The following DHODH variants were observed in gnomAD, a reference collection of about 807,000 sequenced individuals.
DHODH encodes the protein dihydroorotate dehydrogenase (quinone).
In DHODH, 30 loss-of-function variants were observed where a neutral mutation model predicts 39.7. The ratio of observed to expected loss-of-function variants is 0.76; its 90% confidence interval spans 0.57 to 1.02. The LOEUF (loss-of-function observed/expected upper bound fraction) is 1.02, where lower values mean the gene tolerates loss of function less well. Ranked by LOEUF, DHODH falls within the 50% of genes least tolerant of loss-of-function variation. The pLI is 0.00. For missense variants in DHODH, 531 were observed against 520.8 expected (o/e 1.02, Z -0.19); for synonymous variants, 222 against 213.8 (o/e 1.04, Z -0.34).
rs1567576010 is a variant in DHODH, at chr16:72,026,990, TG to T, written c.*2792del. The T allele has an allele frequency of 0.019, 2,773 of 145,410 alleles. 61 individuals carry two copies. Among genetic ancestry groups the T allele is most frequent in the East Asian group, 0.048 (238 of 5,006 alleles). The allele number at this position is 145,410 out of a possible 1,614,324, so 9.0% of individuals were successfully genotyped here. ...GTGTGTGTGTGTGTGTGTGTGTGTG[TG>T]TGTGTGTGTGTGTGTGTGTTTTTGA... On this transcript the variant is annotated 3_prime_UTR_variant, in exon 9 of 9. Transcript: ENST00000219240.
Position 72,020,961 on chromosome 16 carries a change from C to T in DHODH, c.518-163C>T, listed in dbSNP as rs544629519. On this transcript the variant is annotated intron_variant, in intron 4 of 8. Transcript: ENST00000219240. ...CCAGTGAGTGGTTTTGGTCAGCAGG[C>T]GGGCCCAGGCCGCAGTTGAGCACCT... 1.5e-4 allele frequency among the ~76,000 whole-genome samples: 23 copies of T among 152,332 alleles called. No individual in the cohort carries two copies. The South Asian group carries it at 2.9e-3, about 19-fold the overall frequency.
rs61753576 is a variant in DHODH, at chr16:72,012,100, C to T, written c.72C>T (p.Phe24=). The T allele has an allele frequency of 3.9e-4, 626 of 1,614,170 alleles. 3 individuals carry two copies. In the African/African-American group the frequency reaches 5.2e-3, roughly 13 times the overall value. ...VIILGGGGLL[F]ASYLMATGDE... The stretch of plus-strand genomic sequence containing the variant: ...TCCTGGGGGGAGGAGGACTTCTCTT[C>T]GCCTCCTACCTGATGGCCACGGGAG... Residue 24 remains phenylalanine, a synonymous_variant, in exon 2 of 9, where the codon TTC becomes TTT. Coordinates refer to ENST00000219240, the MANE Select transcript of DHODH (RefSeq NM_001361.5).
intron 4 of DHODH, chr16:72,020,293 A>G (rs2041189744): frequency 7.0e-6 from 1 of 143,050 alleles, no homozygotes; most frequent in African/African-American, 2.6e-5. Flanking sequence ...AACAAAAAAC[A>G]TTTTCCAGTA....
At chr16:72,022,272 T>G in intron 5 of DHODH, 90 bp from the exon 6 acceptor site, 1 of 933,136 alleles carries the variant, frequency 1.1e-6, no homozygotes, top group Non-Finnish European at 1.7e-6. Context: ...ATCGCTATTG[T>G]GGAAACCCAC....
intron 6 of DHODH, 84 bp downstream of exon 6, chr16:72,022,559 T>C: frequency 9.3e-7 from 1 of 1,070,348 alleles, no homozygotes; most frequent in Admixed American, 2.0e-5. Context: ...CAGAATGGCG[T>C]TCTTTGTGAT....
intron 1 of DHODH, among the ~76,000 whole-genome samples, chr16:72,011,443 A>G (rs975261186): frequency 6.6e-6 from 1 of 152,246 alleles, no homozygotes; most frequent in Admixed American, 6.5e-5. Flanking sequence ...GTTCAAGACC[A>G]GCCTGGGCAA....
Position 72,012,154 on chromosome 16 carries a change from G to A in DHODH, c.126G>A (p.Met42Ile), listed in dbSNP as rs1179573920. The A allele has an allele frequency of 3.1e-6, 5 of 1,614,150 alleles. No individual in the cohort carries two copies. In the Admixed American group the frequency reaches 5.0e-5, roughly 16 times the overall value. Reference protein sequence around the residue: ...GDERFYAEHLMPTLQGLLDPE... With the variant: ...GDERFYAEHLIPTLQGLLDPE... ...AGCGTTTCTATGCTGAACACCTGAT[G>A]CCGACTCTGCAGGGGCTGCTGGACC... Residue 42 changes from methionine to isoleucine, a missense_variant, in exon 2 of 9, where the codon ATG becomes ATA. Transcript: ENST00000219240.
intron 2 of DHODH, among the ~76,000 whole-genome samples, chr16:72,012,704 A>G (rs1015166047): frequency 7.2e-5 from 11 of 152,206 alleles, no homozygotes; most frequent in African/African-American, 2.7e-4. Context: ...TAAATGGGGA[A>G]GCTGCCAGAG....
intron 3 of DHODH, among the ~76,000 whole-genome samples, chr16:72,015,246 G>C (rs983171902): frequency 6.6e-6 from 1 of 152,236 alleles, no homozygotes; most frequent in African/African-American, 2.4e-5. Flanking sequence ...AAGAGCCAGT[G>C]TGCATTTTAC....
intron 4 of DHODH, chr16:72,020,343 ATATATATATATGTGTATATATATATATAT>A (rs1245278518): frequency 7.6e-5 from 9 of 118,906 alleles, no homozygotes; most frequent in African/African-American, 3.3e-4. Context: ...ATATATATAT[ATATATATATATGTGTATATATATATATAT>A]TTTTTTTTTT....
Position 72,008,996 on chromosome 16 carries a change from G to A in DHODH, c.21+211G>A, listed in dbSNP as rs895502582. The A allele has an allele frequency of 3.4e-6, 5 of 1,466,922 alleles. No individual in the cohort carries two copies. The South Asian group carries it at 6.9e-5, about 20-fold the overall frequency. 90.9% of individuals were successfully genotyped at this position (1,466,922 alleles called of 1,614,324 possible). ...CAGGCGTGTGCAGACAGCGCCTGCA[G>A]GTCTGGGTGGGTGCTGATCTGAGTG... is the stretch of plus-strand genomic sequence containing the variant. On this transcript the variant is annotated intron_variant, in intron 1 of 8. Transcript: ENST00000219240.
intron 2 of DHODH, among the ~76,000 whole-genome samples, chr16:72,013,986 C>T (rs1192499477): frequency 6.6e-6 from 1 of 152,162 alleles, no homozygotes; most frequent in Non-Finnish European, 1.5e-5. Context: ...GGCTTCTTGC[C>T]AGCCCGGATG....
At position 72,013,151 on chromosome 16, in the gene DHODH, A is replaced by G. The variant is rs141718980; in HGVS notation, c.234+889A>G. On this transcript the variant is annotated intron_variant, in intron 2 of 8. Transcript: ENST00000219240. ...GGCCTTCACCGCATTTTCTCTTCCT[A>G]CCTTAGACTCCTCTTCACTATCTGA... Among the ~76,000 whole-genome samples the G allele has an allele frequency of 3.0e-4, 44 of 147,606 alleles. 1 individual carries two copies. Among genetic ancestry groups the G allele is most frequent in the African/African-American group, 1.1e-3 (43 of 37,430 alleles).
chr16:72,012,303 AAGGCTGC>A, intron 2 of DHODH, 41 bp downstream of exon 2: 1 of 1,581,046 alleles, frequency 6.3e-7, no homozygotes, highest in Non-Finnish European at 8.7e-7. Context: ...TACAAAGGCG[AAGGCTGC>A]AGTCCCCTAA....
rs374029102 is a variant in DHODH, at chr16:72,021,096, G to A, written c.518-28G>A. ...GGTGGCACAGGAAAGGGTGTGCGGG[G>A]TGCAGGCCTGACCAGCGATGTTTGC... On this transcript the variant is annotated intron_variant, in intron 4 of 8. Transcript: ENST00000219240. 1.3e-3 allele frequency: 2,096 copies of A among 1,584,368 alleles called. 50 individuals are homozygous for A. The South Asian group carries it at 0.023, about 17-fold the overall frequency.
chr16:72,010,541 G>C (rs1264842970), intron 1 of DHODH, among the ~76,000 whole-genome samples: 1 of 152,110 alleles, frequency 6.6e-6, no homozygotes, highest in Non-Finnish European at 1.5e-5. Context: ...ATGAGGGTAG[G>C]GGCAAGATCT....
intron 5 of DHODH, 54 bp from the exon 6 acceptor site, chr16:72,022,308 C>A: frequency 7.6e-7 from 1 of 1,309,578 alleles, no homozygotes; most frequent in Non-Finnish European, 1.1e-6. Context: ...GTCACAGCTG[C>A]ACTGCAGGGC....
chr16:72,015,054 A>G (rs540568363), intron 3 of DHODH, among the ~76,000 whole-genome samples: 30 of 152,368 alleles, frequency 2.0e-4, no homozygotes, highest in African/African-American at 6.5e-4. Flanking sequence ...TGAGCCCCAT[A>G]TGTAATTTAA....
rs886052277 is a variant in DHODH at position 72,022,463 on chromosome 16, T to A, written c.807T>A (p.Ser269Arg). 1.9e-6 allele frequency: 3 copies of A among 1,552,960 alleles called. No homozygotes were observed. The highest frequency in any genetic ancestry group is 2.6e-6 in the Non-Finnish European group (3 of 1,148,078). Residue 269 changes from serine (S) to arginine (R), a missense_variant, in exon 6 of 9, where the codon AGT becomes AGA. Physicochemically the swap from Ser to Arg is moderately radical, Grantham distance 110. Transcript: ENST00000219240. ...GCCAGGATAAGGAGGACATTGCCAG[T>A]GTGGTCAAAGAGGTTTGAGTCGGGG... ...LTSQDKEDIA[S>R]VVKELGIDGL...
Sources: allele counts gnomAD v4.1 joint callset (sites outside exome capture counted in the v4.1 genomes callset), GRCh38; gene constraint gnomAD v4.1.1; transcripts MANE v1.5; gene names NCBI Gene and HGNC (gene_info 2026-07-23, HGNC 2026-07-21).